Variants in RGS1 observed in about 807,000 individuals in gnomAD.
RGS1 encodes the protein regulator of G protein signaling 1, also known as B-cell activation protein BL34.
A neutral mutation model predicts 22.2 loss-of-function variants in RGS1; 11 were observed. The observed-to-expected ratio is 0.50, with a 90% CI of 0.31 to 0.82. The LOEUF is 0.82. Among genes scored for constraint, RGS1 ranks in the 40% least tolerant of loss-of-function variants. The probability of loss-of-function intolerance (pLI) is 0.04; values close to 1 mark genes in which losing one functional copy is unlikely to be tolerated. For missense variants in RGS1, 255 were observed against 245.8 expected, an observed-to-expected ratio of 1.04 and a Z score of -0.25; for synonymous variants, 81 against 79.9, an observed-to-expected ratio of 1.01 and a Z score of -0.07.
At chr1:192,576,541 C>T (rs1303109804) in intron 2 of RGS1, 176 bp downstream of exon 2, 2 of 632,344 alleles carry the variant, frequency 3.2e-6, no homozygotes, top group Non-Finnish European at 5.5e-6. Flanking sequence ...AATGTGTACA[C>T]ACACATATTG....
intron 4 of RGS1, 145 bp downstream of exon 4, chr1:192,578,530 C>A: frequency 1.2e-6 from 1 of 860,396 alleles, no homozygotes; most frequent in Non-Finnish European, 1.7e-6. Flanking sequence ...TAGTTCAGTG[C>A]AATGAGAATC....
At chr1:192,578,170 G>C in intron 3 of RGS1, 52 bp from the exon 4 acceptor site, 1 of 1,552,530 alleles carries the variant, frequency 6.4e-7, no homozygotes, top group Non-Finnish European at 8.7e-7. Flanking sequence ...TTATTCATTT[G>C]TTGGTTCATT....
In RGS1 at chr1:192,579,145, T is replaced by C; in HGVS notation, c.453T>C (p.Ile151=). ...VHSDAAKQIN[I]DFRTRESTAK... is the part of the protein sequence containing the mutation. Reference sequence around the variant, plus strand: ...AAGGTTTTCTTTTTTAGATCAATATTGACTTCCGCACTCGAGAATCTACAG... The same window carrying C: ...AAGGTTTTCTTTTTTAGATCAATATCGACTTCCGCACTCGAGAATCTACAG... The change falls in exon 5 of 5, where the codon ATT becomes ATC. Residue 151 remains isoleucine (I), a synonymous_variant. Transcript: ENST00000367459. 6.2e-7 allele frequency: 1 copy of C among 1,611,002 alleles called. No individual in the cohort carries two copies. Among genetic ancestry groups the C allele is most frequent in the African/African-American group, 1.3e-5 (1 of 74,692 alleles).
rs868310385 is a variant in RGS1 at position 192,577,672 on chromosome 1, T to A, written c.281-550T>A. On this transcript the variant is annotated intron_variant, in intron 3 of 4. Coordinates refer to ENST00000367459, the MANE Select transcript of RGS1 (RefSeq NM_002922.4). Reference sequence around the variant, plus strand: ...TTTGTTTATAATTCAGCTAAACAAATAAATGGTATAGATATGGACCATAAA... The same window carrying A: ...TTTGTTTATAATTCAGCTAAACAAAAAAATGGTATAGATATGGACCATAAA... 1.0e-4 allele frequency: 16 copies of A among 154,162 alleles called. No individual in the cohort carries two copies. In the Middle Eastern group the frequency reaches 0.01, roughly 98 times the overall value. The allele number at this position is 154,162 out of a possible 1,614,324, so 9.5% of individuals were successfully genotyped here.
chr1:192,576,423 A>G, intron 2 of RGS1, 58 bp downstream of exon 2: 1 of 1,237,142 alleles, frequency 8.1e-7, no homozygotes, highest in Non-Finnish European at 1.2e-6. Context: ...CCTATGCATT[A>G]TCTCTATATC....
Position 192,579,461 on chromosome 1 carries a change from A to G in RGS1, c.*139A>G. ...AGAACAAATGACTCAGAATGGATTA[A>G]CATGAAAGTTATCCAGGCGCAGAGT... On this transcript the variant is annotated 3_prime_UTR_variant, in exon 5 of 5. Coordinates refer to ENST00000367459, the MANE Select transcript of RGS1 (RefSeq NM_002922.4). 1.4e-6 allele frequency: 1 copy of G among 716,834 alleles called. No homozygotes were observed. Among genetic ancestry groups the G allele is most frequent in the Non-Finnish European group, 2.3e-6 (1 of 436,732 alleles). The allele number at this position is 716,834 out of a possible 1,614,324, so 44.4% of individuals were successfully genotyped here.
chr1:192,575,917 G>A lies in RGS1; in HGVS notation c.125G>A (p.Arg42Lys), dbSNP rs754506423. 84 of 1,612,778 alleles carry A rather than the reference G, an allele frequency of 5.2e-5. No individual in the cohort carries two copies. The highest frequency in any genetic ancestry group is 6.7e-5 in the Non-Finnish European group (79 of 1,179,264). ...CTAGACGACAAAATGCAAAAAAGGA[G>A]GCCAAAGACTTTGTAAGTTTGTTCA... is the stretch of plus-strand genomic sequence containing the variant. ...SLLDDKMQKR[R>K]PKTFGMDMKA... is the part of the protein sequence containing the mutation. The change falls in exon 1 of 5, where the codon AGG (arginine) becomes AAG (lysine). Residue 42 changes from arginine (R) to lysine (K), a missense_variant. Coordinates refer to ENST00000367459, the MANE Select transcript of RGS1 (RefSeq NM_002922.4).
At chr1:192,576,866 C>CAGCTAAATACTAGCTGAATTTAG in intron 3 of RGS1, 31 bp downstream of exon 3, 1 of 1,569,270 alleles carries the variant, frequency 6.4e-7, no homozygotes, top group South Asian at 1.1e-5. Context: ...TTTCTGGGTT[C>CAGCTAAATACTAGCTGAATTTAG]AGCTAAATAC....
rs1016113996 is a variant in RGS1 at position 192,579,506 on chromosome 1, C to T, written c.*184C>T. On this transcript the variant is annotated 3_prime_UTR_variant, in exon 5 of 5. Transcript: ENST00000367459. ...CAGAGTTGAAGAAGCATAAGCAAGACAAAAACAGAGAGACCGCAGAAGGAG... is the reference window on the plus strand; with the variant it reads ...CAGAGTTGAAGAAGCATAAGCAAGATAAAAACAGAGAGACCGCAGAAGGAG... 3.6e-6 allele frequency: 2 copies of T among 560,180 alleles called. No individual in the cohort carries two copies. The highest frequency in any genetic ancestry group is 3.6e-5 in the Admixed American group (1 of 27,696). The allele number at this position is 560,180 out of a possible 1,614,324, so 34.7% of individuals were successfully genotyped here. A position where few individuals can be genotyped will look rare whatever the true frequency, so the allele number is the denominator to read the frequency against.
Position 192,576,820 on chromosome 1 carries a change from C to T in RGS1, c.265C>T (p.Leu89Phe). 6.2e-7 allele frequency: 1 copy of T among 1,611,908 alleles called. No individual in the cohort carries two copies. The highest frequency in any genetic ancestry group is 2.2e-5 in the East Asian group (1 of 44,770). The change falls in exon 3 of 5, where the codon CTT (leucine) becomes TTT (phenylalanine). Residue 89 changes from leucine to phenylalanine, a missense_variant. Leu to Phe is a conservative substitution (Grantham distance 22). Transcript: ENST00000367459. ...VMQWSQSLEK[L>F]LANQTGQNVF... is the part of the protein sequence containing the mutation. Reference sequence around the variant, plus strand: ...GCAATGGTCTCAATCTCTGGAAAAACTTCTTGCCAACCAAAGTAAGTATAA... The same window carrying T: ...GCAATGGTCTCAATCTCTGGAAAAATTTCTTGCCAACCAAAGTAAGTATAA...
intron 2 of RGS1, 44 bp downstream of exon 2, chr1:192,576,409 G>C: frequency 7.2e-7 from 1 of 1,383,540 alleles, no homozygotes. Context: ...ATTTACAAGA[G>C]AAGCCTATGC....
chr1:192,578,888 T>A, intron 4 of RGS1: 2 of 459,042 alleles, frequency 4.4e-6, no homozygotes, highest in Admixed American at 3.9e-5. Flanking sequence ...TACTTAAATT[T>A]TTCATGTCTG....
chr1:192,579,382 A>T lies in RGS1; in HGVS notation c.*60A>T. On this transcript the variant is annotated 3_prime_UTR_variant, in exon 5 of 5. Transcript: ENST00000367459. The stretch of plus-strand genomic sequence containing the variant: ...TCAAGCGCAGAAGGAATGTGCCAGT[A>T]TGGCTCCCTGGGTGAACAGCTTGGC... The T allele has an allele frequency of 6.5e-7, 1 of 1,539,820 alleles. No homozygotes were observed. Among genetic ancestry groups the T allele is most frequent in the Non-Finnish European group, 8.9e-7 (1 of 1,125,656 alleles).
intron 2 of RGS1, 51 bp from the exon 3 acceptor site, chr1:192,576,723 G>C (rs1420421334): frequency 4.8e-6 from 7 of 1,469,986 alleles, no homozygotes; most frequent in Non-Finnish European, 9.4e-7. Context: ...TATTTCATTT[G>C]TGCTTACATT....
At position 192,576,300 on chromosome 1, in the gene RGS1, A is replaced by C. The variant is rs1262443968; in HGVS notation, c.153A>C (p.Lys51Asn). The C allele has an allele frequency of 6.2e-7, 1 of 1,610,190 alleles. No homozygotes were observed. The highest frequency in any genetic ancestry group is 1.7e-5 in the Admixed American group (1 of 59,844). The change falls in exon 2 of 5, where the codon AAA becomes AAC. Residue 51 changes from lysine to asparagine, a missense_variant. Coordinates refer to ENST00000367459, the MANE Select transcript of RGS1 (RefSeq NM_002922.4). ...TCTTTTGTAGTGGAATGGATATGAA[A>C]GCATACCTGAGATCTATGATCCCAC... ...RRPKTFGMDM[K>N]AYLRSMIPHL...
intron 3 of RGS1, chr1:192,577,704 C>T (rs991922356): frequency 6.3e-6 from 1 of 157,672 alleles, no homozygotes; most frequent in African/African-American, 2.4e-5. Context: ...TAAATGGTGC[C>T]ATATAAAAGT....
In RGS1 at chr1:192,579,273, A is replaced by T; in HGVS notation, c.581A>T (p.Asp194Val). The T allele has an allele frequency of 6.2e-7, 1 of 1,613,106 alleles. No homozygotes were observed. The highest frequency in any genetic ancestry group is 8.5e-7 in the Non-Finnish European group (1 of 1,179,382). ...KDSYPRFLKS[D>V]IYLNLLNDLQ... ...TCTTATCCCAGGTTCCTCAAATCAG[A>T]TATTTACTTAAATCTTCTAAATGAC... is the stretch of plus-strand genomic sequence containing the variant. The change falls in exon 5 of 5, where the codon GAT becomes GTT. Residue 194 changes from aspartate to valine, a missense_variant. Physicochemically the swap from Asp to Val is radical, Grantham distance 152. Coordinates refer to ENST00000367459, the MANE Select transcript of RGS1 (RefSeq NM_002922.4).
At position 192,576,341 on chromosome 1, in the gene RGS1, T is replaced by G. The variant is rs1161845820; in HGVS notation, c.194T>G (p.Met65Arg). 3 of 1,611,250 alleles carry G rather than the reference T, an allele frequency of 1.9e-6. No homozygotes were observed. Among genetic ancestry groups the G allele is most frequent in the Non-Finnish European group, 2.5e-6 (3 of 1,177,896 alleles). ...ATGATCCCACATCTGGAATCTGGAA[T>G]GAAATCTTCCAAGTCCAAGGATGTG... is the stretch of plus-strand genomic sequence containing the variant. Reference protein sequence around the residue: ...RSMIPHLESGMKSSKSKDVLS... With the variant: ...RSMIPHLESGRKSSKSKDVLS... Residue 65 changes from methionine (M) to arginine (R), a missense_variant, in exon 2 of 5, where the codon ATG becomes AGG. By Grantham distance (91) the Met-to-Arg change is moderately conservative (BLOSUM62 -1). Coordinates refer to ENST00000367459, the MANE Select transcript of RGS1 (RefSeq NM_002922.4).
At position 192,576,460 on chromosome 1, in the gene RGS1, G is replaced by A. The variant is rs568140380; in HGVS notation, c.218+95G>A. ...CAGCAAGGGATAAATACTGCGCACA[G>A]TAGACTTCATTTCTTTTAAGTAACA... On this transcript the variant is annotated intron_variant, in intron 2 of 4. Transcript: ENST00000367459. 40 of 852,604 alleles carry A rather than the reference G, an allele frequency of 4.7e-5. No homozygotes were observed. In the South Asian group the frequency reaches 6.1e-4, roughly 13 times the overall value. The allele number at this position is 852,604 out of a possible 1,614,324, so 52.8% of individuals were successfully genotyped here.
Sources: gnomAD v4.1 joint callset for allele counts on GRCh38, gnomAD v4.1.1 for gene constraint, MANE v1.5 for transcripts, NCBI Gene and HGNC (gene_info 2026-07-23, HGNC 2026-07-21) for gene names.